Variants in TTC16 observed in about 807,000 individuals in gnomAD.
TTC16 encodes tetratricopeptide repeat domain 16.
A neutral mutation model predicts 80.4 loss-of-function variants in TTC16; 66 were observed. The observed-to-expected ratio is 0.82, with a 90% CI of 0.67 to 1.01. The LOEUF (loss-of-function observed/expected upper bound fraction) is 1.01, where lower values mean the gene tolerates loss of function less well. Ranked by LOEUF, TTC16 falls within the 50% of genes least tolerant of loss-of-function variation. TTC16 has a pLI of 0.00. For synonymous variants in TTC16, 438 were observed against 451.3 expected (o/e 0.97, Z 0.37); for missense variants, 1,070 against 1,103.2 (o/e 0.97, Z 0.43).
chr9:127,731,291 C>A lies in TTC16; in HGVS notation c.2508C>A (p.Gly836=). The A allele has an allele frequency of 6.2e-7, 1 of 1,613,224 alleles. No homozygotes were observed. Among genetic ancestry groups the A allele is most frequent in the Non-Finnish European group, 8.5e-7 (1 of 1,180,030 alleles). ...QRSSKAEGAQ[G]KSQGMSSTSS... ...CCAGCAAGGCTGAGGGTGCCCAGGGCAAGAGCCAGGGCATGAGCTCAACTT... is the reference window on the plus strand; with the variant it reads ...CCAGCAAGGCTGAGGGTGCCCAGGGAAAGAGCCAGGGCATGAGCTCAACTT... The change falls in exon 14 of 14, where the codon GGC becomes GGA. Residue 836 remains glycine, a synonymous_variant. Coordinates refer to ENST00000373289, the MANE Select transcript of TTC16 (RefSeq NM_144965.3).
At position 127,718,340 on chromosome 9, in the gene TTC16, G is replaced by C. The variant is rs745807721; in HGVS notation, c.426+568G>C. 3.9e-5 allele frequency among the ~76,000 whole-genome samples: 6 copies of C among 152,096 alleles called. No individual in the cohort carries two copies. The highest frequency in any genetic ancestry group is 1.4e-4 in the African/African-American group (6 of 41,496). On this transcript the variant is annotated intron_variant, in intron 4 of 13. Coordinates refer to ENST00000373289, the MANE Select transcript of TTC16 (RefSeq NM_144965.3). The surrounding 1 kb of genome is among the most constrained non-coding windows in gnomAD (Gnocchi z 4.6). ...TGGGCTCAGGCAATCCACCCACCTC[G>C]GCCTCCCAACGTGCTAGGATTACAG...
chr9:127,720,250 T>C lies in TTC16; in HGVS notation c.528-16T>C. ...CCCCACCCGGGAAACGAGCACTCTGTGCCCTCTGCCCTCAGCATGGCCTGT... is the reference window on the plus strand; with the variant it reads ...CCCCACCCGGGAAACGAGCACTCTGCGCCCTCTGCCCTCAGCATGGCCTGT... On this transcript the variant is annotated splice_polypyrimidine_tract_variant and intron_variant, in intron 5 of 13. Coordinates refer to ENST00000373289, the MANE Select transcript of TTC16 (RefSeq NM_144965.3). The C allele has an allele frequency of 6.2e-7, 1 of 1,613,324 alleles. No individual in the cohort carries two copies. Among genetic ancestry groups the C allele is most frequent in the Non-Finnish European group, 8.5e-7 (1 of 1,179,916 alleles).
Position 127,724,793 on chromosome 9 carries a change from G to C in TTC16, c.1155G>C (p.Glu385Asp). 6.2e-7 allele frequency: 1 copy of C among 1,610,736 alleles called. No individual in the cohort carries two copies. Among genetic ancestry groups the C allele is most frequent in the Non-Finnish European group, 8.5e-7 (1 of 1,179,338 alleles). Residue 385 changes from glutamate to aspartate, a missense_variant, in exon 9 of 14, where the codon GAG becomes GAC. Coordinates refer to ENST00000373289, the MANE Select transcript of TTC16 (RefSeq NM_144965.3). ...AGCTGGGCAACCTGGCCTTTGCCGA[G>C]GCGGACTACCAGCAGGCGCTGGCGC... ...FFQLGNLAFA[E>D]ADYQQALALS... is the part of the protein sequence containing the mutation.
chr9:127,716,756 C>T, intron 1 of TTC16, 88 bp from the exon 2 acceptor site: 1 of 1,489,718 alleles, frequency 6.7e-7, no homozygotes, highest in South Asian at 1.3e-5. Flanking sequence ...TTCCGCCTCT[C>T]CTCCCTCCCT....
intron 12 of TTC16, chr9:127,728,679 C>G (rs1259621770): frequency 6.6e-6 from 1 of 152,210 alleles, no homozygotes; most frequent in Admixed American, 6.5e-5. Flanking sequence ...CCTATAGTCC[C>G]AGCTACTTGG....
Position 127,724,540 on chromosome 9 carries a change from G to A in TTC16, c.1117+176G>A, listed in dbSNP as rs531737203. The A allele has an allele frequency of 7.2e-6, 8 of 1,116,542 alleles. 1 individual carries two copies. In the South Asian group the frequency reaches 1.1e-4, roughly 16 times the overall value. The allele number at this position is 1,116,542 out of a possible 1,614,324, so 69.2% of individuals were successfully genotyped here. ...CCAGGAACACACTTTGGGAAATGTT[G>A]CCTTAGACAAACTGGCTCCAGACTC... On this transcript the variant is annotated intron_variant, in intron 8 of 13. Coordinates refer to ENST00000373289, the MANE Select transcript of TTC16 (RefSeq NM_144965.3).
Position 127,727,104 on chromosome 9 carries a change from C to G in TTC16, c.1560C>G (p.Gly520=). ...GCCTGCAGGCCGGCAGCCCACAAGG[C>G]ATTGTGGGGTAAGCCCTGGAGCAAG... is the stretch of plus-strand genomic sequence containing the variant. ...EGSLQAGSPQ[G]IVGMLKRHEL... Residue 520 remains glycine (G), a synonymous_variant, in exon 11 of 14, where the codon GGC becomes GGG. Coordinates refer to ENST00000373289, the MANE Select transcript of TTC16 (RefSeq NM_144965.3). The G allele has an allele frequency of 6.2e-7, 1 of 1,601,112 alleles. No homozygotes were observed. The highest frequency in any genetic ancestry group is 8.5e-7 in the Non-Finnish European group (1 of 1,172,910).
intron 2 of TTC16, 111 bp from the exon 3 acceptor site, chr9:127,717,223 C>T (rs749931027): frequency 1.6e-6 from 2 of 1,229,346 alleles, no homozygotes; most frequent in African/African-American, 1.5e-5. Flanking sequence ...GTCTACTCCT[C>T]CTGCCTCTCC....
In TTC16 at chr9:127,720,403, G is replaced by T; in HGVS notation, c.657+8G>T. ...TACAACTTTCTCCAGAAGGTACAGT[G>T]GGGAGGGCGGGCAGGGGCATGCCCC... On this transcript the variant is annotated splice_region_variant and intron_variant, in intron 6 of 13. Transcript: ENST00000373289. The T allele has an allele frequency of 6.2e-7, 1 of 1,612,040 alleles. No homozygotes were observed. The highest frequency in any genetic ancestry group is 1.1e-5 in the South Asian group (1 of 91,060).
rs747103507 is a variant in TTC16 at position 127,717,367 on chromosome 9, A to G, written c.225A>G (p.Ala75=). The change falls in exon 3 of 14, where the codon GCA becomes GCG. Residue 75 remains alanine (A), a synonymous_variant. Coordinates refer to ENST00000373289, the MANE Select transcript of TTC16 (RefSeq NM_144965.3). ...GAGGCCAGCAGTGCTTGGAGCAGGC[A>G]GACTGGGAGACAGCTGTGCTGCTCT... ...YSRGQQCLEQ[A]DWETAVLLFS... 1 of 1,612,684 alleles carries G rather than the reference A, an allele frequency of 6.2e-7. No homozygotes were observed. The highest frequency in any genetic ancestry group is 8.5e-7 in the Non-Finnish European group (1 of 1,180,014).
intron 10 of TTC16, 95 bp downstream of exon 10, chr9:127,726,499 A>G (rs764445937): frequency 1.1e-4 from 147 of 1,355,646 alleles, no homozygotes; most frequent in Non-Finnish European, 1.3e-4. Context: ...TTTGATAACA[A>G]TCATAAGGCC....
intron 13 of TTC16, chr9:127,729,897 C>G: frequency 1.9e-6 from 1 of 539,260 alleles, no homozygotes; most frequent in Non-Finnish European, 3.3e-6. Context: ...GCTCTCATCC[C>G]CTCCTAGCCC....
At chr9:127,716,748 C>T (rs1843050084) in intron 1 of TTC16, 96 bp from the exon 2 acceptor site, 3 of 1,462,238 alleles carry the variant, frequency 2.1e-6, no homozygotes, top group East Asian at 4.8e-5. Context: ...GGCCTCATTT[C>T]CGCCTCTCCT....
rs925823451 is a variant in TTC16 at position 127,719,166 on chromosome 9, G to A, written c.427-912G>A. 6.6e-5 allele frequency among the ~76,000 whole-genome samples: 10 copies of A among 151,606 alleles called. No homozygotes were observed. In the South Asian group the frequency reaches 8.4e-4, roughly 13 times the overall value. On this transcript the variant is annotated intron_variant, in intron 4 of 13. Transcript: ENST00000373289. ...GCAGAGGTTGCAGTGAGCCAAGATC[G>A]TGCCACTGTACTCCAGCCTGGGTGA...
intron 6 of TTC16, among the ~76,000 whole-genome samples, chr9:127,720,811 CTT>C (rs1564380725): frequency 3.0e-5 from 4 of 135,146 alleles, no homozygotes; most frequent in African/African-American, 8.5e-5. Context: ...TTCCTCCCTC[CTT>C]CTTTCTTCCC....
chr9:127,724,385 T>TGG, intron 8 of TTC16, 21 bp downstream of exon 8: 1 of 1,078,356 alleles, frequency 9.3e-7, no homozygotes, highest in Non-Finnish European at 1.4e-6. Context: ...ACCAGGGCAC[T>TGG]GGGGAGGGGG....
intron 12 of TTC16, 88 bp downstream of exon 12, chr9:127,727,553 G>C: frequency 6.7e-7 from 1 of 1,482,370 alleles, no homozygotes; most frequent in Non-Finnish European, 9.0e-7. Flanking sequence ...CAGGCCAGTG[G>C]AGTCTGGCTT....
At chr9:127,729,537 G>A (rs748320351) in intron 12 of TTC16, 44 bp from the exon 13 acceptor site, 11 of 1,542,738 alleles carry the variant, frequency 7.1e-6, no homozygotes, top group Admixed American at 5.0e-5. Flanking sequence ...GCAGCTGCAC[G>A]GGCCTCCTAC....
rs370723853 is a variant in TTC16 at position 127,717,789 on chromosome 9, G to T, written c.426+17G>T. 1 of 1,607,250 alleles carries T rather than the reference G, an allele frequency of 6.2e-7. No homozygotes were observed. The highest frequency in any genetic ancestry group is 2.2e-5 in the East Asian group (1 of 44,800). On this transcript the variant is annotated intron_variant, in intron 4 of 13. Transcript: ENST00000373289. ...TACCTACAGGTGCCTGGGGCCTCCC[G>T]GGCCCATGCAGGGCACCCACCTCAC...
Sources: allele counts gnomAD v4.1 joint callset (sites outside exome capture counted in the v4.1 genomes callset), GRCh38; gene constraint gnomAD v4.1.1; non-coding constraint Gnocchi (gnomAD v3.1); transcripts MANE v1.5; gene names NCBI Gene and HGNC (gene_info 2026-07-23, HGNC 2026-07-21).